DZIP3: variants seen among roughly 807,000 people sequenced by gnomAD.
DZIP3 encodes E3 ubiquitin-protein ligase DZIP3.
Under a neutral mutation model 162.0 loss-of-function variants are expected in DZIP3, and 118 were observed. That is an observed-to-expected ratio of 0.73 (90% confidence interval 0.63 to 0.85). The LOEUF (loss-of-function observed/expected upper bound fraction) is 0.85. Among genes scored for constraint, DZIP3 ranks in the 40% least tolerant of loss-of-function variants. The probability of loss-of-function intolerance (pLI) is 0.00; values close to 1 mark genes in which losing one functional copy is unlikely to be tolerated. For missense variants in DZIP3, 1,331 were observed against 1,407.0 expected (o/e 0.95, Z 0.86); for synonymous variants, 438 against 458.6 (o/e 0.96, Z 0.57).
At chr3:108,626,013 A>G (rs746784769) in intron 7 of DZIP3, 44 bp downstream of exon 7, 2 of 1,593,320 alleles carry the variant, frequency 1.3e-6, no homozygotes, top group Non-Finnish European at 1.7e-6. Context: ...GTGAAGTCTC[A>G]GCATTGTGAA....
chr3:108,639,838 G>T lies in DZIP3; in HGVS notation c.1064+2290G>T, dbSNP rs542894305. 9.7e-4 allele frequency among the ~76,000 whole-genome samples: 147 copies of T among 151,264 alleles called. 1 individual carries two copies. Among genetic ancestry groups the T allele is most frequent in the Middle Eastern group, 3.4e-3 (1 of 294 alleles). On this transcript the variant is annotated intron_variant, in intron 12 of 32. Transcript: ENST00000361582. The stretch of plus-strand genomic sequence containing the variant: ...CTTTTGTTTGCTTTAGGTTTAATTT[G>T]CTTTGATTTTTTTTTAAGGTGAAAG...
At chr3:108,614,833 A>T (rs1940915606) in intron 4 of DZIP3, among the ~76,000 whole-genome samples, 1 of 152,198 alleles carries the variant, frequency 6.6e-6, no homozygotes, top group Non-Finnish European at 1.5e-5. Flanking sequence ...TGATAACCGC[A>T]GTGGCCCACC....
intron 8 of DZIP3, among the ~76,000 whole-genome samples, chr3:108,631,061 T>TA (rs1941857964): frequency 1.8e-5 from 1 of 54,252 alleles, no homozygotes; most frequent in African/African-American, 7.8e-5. Context: ...ACACACTCTC[T>TA]CTCTCTCTCT....
intron 2 of DZIP3, among the ~76,000 whole-genome samples, chr3:108,607,219 T>G (rs1385707216): frequency 1.3e-5 from 2 of 152,162 alleles, no homozygotes; most frequent in African/African-American, 4.8e-5. Flanking sequence ...AGTTTGAAAA[T>G]GGACAATACC....
At chr3:108,647,872 A>G (rs1469367961) in intron 15 of DZIP3, 71 bp from the exon 16 acceptor site, 1 of 1,291,980 alleles carries the variant, frequency 7.7e-7, no homozygotes, top group African/African-American at 1.5e-5. Flanking sequence ...TTTTGGGCAA[A>G]CATTATAACA....
intron 8 of DZIP3, 43 bp downstream of exon 8, chr3:108,629,219 A>G: frequency 8.0e-7 from 1 of 1,242,360 alleles, no homozygotes; most frequent in South Asian, 1.4e-5. Flanking sequence ...GTAACTAATC[A>G]GAATAACCAA....
Position 108,622,486 on chromosome 3 carries a change from T to G in DZIP3, c.376-1958T>G, listed in dbSNP as rs142385753. ...ATTGGCAACTGGTGCCTTTTTTGGT[T>G]TGGTAAAGTCATGTTTTCCTGGATG... is the stretch of plus-strand genomic sequence containing the variant. On this transcript the variant is annotated intron_variant, in intron 5 of 32. Coordinates refer to ENST00000361582, the MANE Select transcript of DZIP3 (RefSeq NM_014648.4). Among the ~76,000 whole-genome samples, 1,123 of 152,292 alleles carry G rather than the reference T, an allele frequency of 7.4e-3. 21 individuals carry two copies. Among genetic ancestry groups the G allele is most frequent in the African/African-American group, 0.023 (951 of 41,568 alleles).
chr3:108,607,406 G>T (rs1481988702), intron 2 of DZIP3, among the ~76,000 whole-genome samples: 2 of 152,108 alleles, frequency 1.3e-5, no homozygotes, highest in Non-Finnish European at 2.9e-5. Flanking sequence ...ATCTCTGCTG[G>T]TGTCCAGAAT....
rs1239507232 is a variant in DZIP3, at chr3:108,644,736, C to A, written c.1714C>A (p.Pro572Thr). ...TCAGCTATCTGTCTACCTAGGCATA[C>A]CAGTACCAGAAATCATACAGAGGAT... ...YHQLSVYLGI[P>T]VPEIIQRMLS... The change falls in exon 14 of 33, where the codon CCA becomes ACA. Residue 572 changes from proline to threonine, a missense_variant. Pro to Thr is a conservative substitution (Grantham distance 38). Coordinates refer to ENST00000361582, the MANE Select transcript of DZIP3 (RefSeq NM_014648.4). 2.5e-6 allele frequency: 4 copies of A among 1,609,206 alleles called. No individual in the cohort carries two copies. Among genetic ancestry groups the A allele is most frequent in the Admixed American group, 1.7e-5 (1 of 59,990 alleles).
At chr3:108,635,198 T>G (rs780817837) in intron 10 of DZIP3, among the ~76,000 whole-genome samples, 1 of 152,026 alleles carries the variant, frequency 6.6e-6, no homozygotes, top group Non-Finnish European at 1.5e-5. Flanking sequence ...CAGCTCTTTG[T>G]AGGTGATACA....
chr3:108,626,041 C>G, intron 7 of DZIP3, 72 bp downstream of exon 7: 2 of 1,497,342 alleles, frequency 1.3e-6, no homozygotes, highest in Non-Finnish European at 1.8e-6. Context: ...TAAGTGTGCA[C>G]AGTATATCAG....
At position 108,686,512 on chromosome 3, in the gene DZIP3, G is replaced by C. The variant is rs760345508; in HGVS notation, c.3077G>C (p.Arg1026Pro). Residue 1026 changes from arginine (R) to proline (P), a missense_variant, in exon 28 of 33, where the codon CGG (arginine) becomes CCG (proline). By Grantham distance (103) the Arg-to-Pro change is moderately radical. Around this residue, in one of 2 missense-constraint regions of DZIP3, gnomAD observed 1,278 missense variants for 1,317.1 expected, o/e 0.97. Transcript: ENST00000361582. ...GCTGTGCCTCCCAGTGCAGGTCTGC[G>C]GAGTGATCCCTCCATCATGAATTGG... ...GDAVPPSAGL[R>P]SDPSIMNWER... 2.5e-5 allele frequency: 40 copies of C among 1,612,504 alleles called. No individual in the cohort carries two copies. The highest frequency in any genetic ancestry group is 3.0e-5 in the Non-Finnish European group (35 of 1,179,620).
intron 26 of DZIP3, 138 bp from the exon 27 acceptor site, chr3:108,684,078 C>A (rs1041729712): frequency 2.2e-6 from 2 of 919,310 alleles, no homozygotes. Context: ...TACATTGTTT[C>A]TAATGTGCTT....
At chr3:108,633,153 A>T in intron 9 of DZIP3, 81 bp downstream of exon 9, 6 of 624,724 alleles carry the variant, frequency 9.6e-6, no homozygotes, top group Non-Finnish European at 1.3e-5. Context: ...TAAAAATTAT[A>T]TTATGTATAA....
chr3:108,639,402 C>T (rs775849604), intron 12 of DZIP3, among the ~76,000 whole-genome samples: 1 of 152,190 alleles, frequency 6.6e-6, no homozygotes, highest in Non-Finnish European at 1.5e-5. Context: ...GAACTTTGAA[C>T]ACTTTCTTGG....
intron 2 of DZIP3, among the ~76,000 whole-genome samples, chr3:108,605,891 C>T (rs763269703): frequency 2.0e-5 from 3 of 152,094 alleles, no homozygotes; most frequent in Non-Finnish European, 4.4e-5. Context: ...AACAGGAAAC[C>T]CTTATGCTTC....
intron 1 of DZIP3, among the ~76,000 whole-genome samples, chr3:108,595,122 C>T (rs1256507058): frequency 6.6e-6 from 1 of 152,162 alleles, no homozygotes; most frequent in Admixed American, 6.6e-5. Flanking sequence ...ACTGTGGAAA[C>T]ACATGGTATT....
At chr3:108,589,530 G>A (rs934522363), upstream of DZIP3, 1 of 544,606 alleles carries the variant, frequency 1.8e-6, no homozygotes, top group Non-Finnish European at 3.2e-6. Flanking sequence ...CACCCTAGGG[G>A]ACCGTTCTCG....
chr3:108,637,392 G>C, intron 11 of DZIP3, 104 bp from the exon 12 acceptor site: 1 of 990,268 alleles, frequency 1.0e-6, no homozygotes, highest in South Asian at 1.4e-5. Context: ...ATTCACTGTG[G>C]CTTCACTCTC....
Sources: gnomAD v4.1 joint callset for allele counts (sites outside exome capture counted in the v4.1 genomes callset) on GRCh38, gnomAD v4.1.1 for gene constraint, gnomAD v4.1.1 regional missense constraint, MANE v1.5 for transcripts, NCBI Gene and HGNC (gene_info 2026-07-23, HGNC 2026-07-21) for gene names.